Variants in CFAP44 observed in about 807,000 individuals in gnomAD.
CFAP44 encodes the protein cilia and flagella associated protein 44.
In CFAP44, 134 loss-of-function variants were observed where a neutral mutation model predicts 216.2. That is an observed-to-expected ratio of 0.62 (90% CI 0.54 to 0.72). The LOEUF (loss-of-function observed/expected upper bound fraction) is 0.72, where lower values mean the gene tolerates loss of function less well. CFAP44 is among the 30% of genes least tolerant of loss of function. The pLI, the probability that CFAP44 is intolerant of heterozygous loss-of-function variation, is 0.00. For missense variants in CFAP44, 2,035 were observed against 2,182.1 expected (o/e 0.93, Z 1.34); for synonymous variants, 700 against 727.6 (o/e 0.96, Z 0.61).
intron 22 of CFAP44, among the ~76,000 whole-genome samples, chr3:113,346,020 T>C (rs574346836): frequency 5.9e-5 from 9 of 152,196 alleles, no homozygotes; most frequent in Non-Finnish European, 1.3e-4. Context: ...AGATTAACAT[T>C]GAGAAGTGAA....
rs1950334278 is a variant in CFAP44, at chr3:113,341,657, A to G, written c.3437+87T>C. 40 of 1,254,012 alleles carry G rather than the reference A, an allele frequency of 3.2e-5. No homozygotes were observed. The South Asian group carries it at 8.7e-4, about 27-fold the overall frequency. 77.7% of individuals were successfully genotyped at this position (1,254,012 alleles called of 1,614,324 possible). ...TCACTTTTGATTTTAAATGATAACA[A>G]TGTCAATAAATATAAAGATTTTTAA... is the stretch of plus-strand genomic sequence containing the variant. On this transcript the variant is annotated intron_variant, in intron 24 of 34. Coordinates refer to ENST00000393845, the MANE Select transcript of CFAP44 (RefSeq NM_001164496.2).
rs4682484 is a variant in CFAP44, at chr3:113,304,023, T to C, written c.4970A>G (p.His1657Arg). 0.98 allele frequency: 1,508,713 copies of C among 1,537,370 alleles called. 740,774 individuals carry two copies. The highest frequency in any genetic ancestry group is 1 in the East Asian group (40,898 of 40,910). ...CTTGGAATTTTCCTCCTGGAGCTCA[T>C]GGATTCGTTCTTGCAGCCGTCTCAA... ...HALRRLQERI[H>R]ELQEENSKQQ... Residue 1657 changes from histidine to arginine, a missense_variant, in exon 32 of 35, where the codon CAT (histidine) becomes CGT (arginine). Physicochemically the swap from His to Arg is conservative, Grantham distance 29 (BLOSUM62 0). Transcript: ENST00000393845.
rs147904085 is a variant in CFAP44, at chr3:113,310,112, G to A, written c.4517-1844C>T. The stretch of plus-strand genomic sequence containing the variant: ...ACTCCCACTGGATGGTGTTAGAGAA[G>A]GGCAAGCAGGGAGCCAGTACATTTA... On this transcript the variant is annotated intron_variant, in intron 28 of 34. Coordinates refer to ENST00000393845, the MANE Select transcript of CFAP44 (RefSeq NM_001164496.2). Among the ~76,000 whole-genome samples, 291 of 152,260 alleles carry A rather than the reference G, an allele frequency of 1.9e-3. 2 individuals carry two copies. Among genetic ancestry groups the A allele is most frequent in the African/African-American group, 5.7e-3 (238 of 41,552 alleles).
At chr3:113,298,761 C>T (rs183865493) in intron 32 of CFAP44, among the ~76,000 whole-genome samples, 63 of 152,286 alleles carry the variant, frequency 4.1e-4, no homozygotes, top group Middle Eastern at 3.4e-3. Context: ...GTATTATTCT[C>T]CTCATTATGA....
At chr3:113,397,309 G>T (rs1559935154) in intron 13 of CFAP44, 1 of 152,946 alleles carries the variant, frequency 6.5e-6, no homozygotes, top group Non-Finnish European at 1.5e-5. Context: ...CAGAACTCAA[G>T]AAAAAGTTAT....
intron 24 of CFAP44, among the ~76,000 whole-genome samples, chr3:113,335,393 A>G (rs1025467703): frequency 6.6e-6 from 1 of 152,204 alleles, no homozygotes; most frequent in Non-Finnish European, 1.5e-5. Context: ...AGGGAGGCCA[A>G]ATTTGGTGCT....
rs115824144 is a variant in CFAP44 at position 113,348,944 on chromosome 3, G to T, written c.3066-4232C>A. On this transcript the variant is annotated intron_variant, in intron 22 of 34. Transcript: ENST00000393845. Reference sequence around the variant, plus strand: ...ATGCAGCTTTAGCTACAACCTGAGAGTTGGAGATACCTGGTATCTTAGTCA... The same window carrying T: ...ATGCAGCTTTAGCTACAACCTGAGATTTGGAGATACCTGGTATCTTAGTCA... 8.9e-3 allele frequency among the ~76,000 whole-genome samples: 1,357 copies of T among 152,276 alleles called. 18 individuals are homozygous for T. Among genetic ancestry groups the T allele is most frequent in the African/African-American group, 0.03 (1,266 of 41,556 alleles).
intron 28 of CFAP44, among the ~76,000 whole-genome samples, chr3:113,309,544 T>A (rs187282969): frequency 1.7e-3 from 265 of 152,320 alleles, no homozygotes; most frequent in Admixed American, 3.1e-3. Context: ...CAGAAATATT[T>A]CTGAACACAA....
At chr3:113,341,510 T>C (rs1331468963) in intron 24 of CFAP44, among the ~76,000 whole-genome samples, 1 of 152,180 alleles carries the variant, frequency 6.6e-6, no homozygotes, top group Non-Finnish European at 1.5e-5. Context: ...TACAGTATTA[T>C]TAGCAAAATG....
chr3:113,378,019 T>C (rs1213392886), intron 17 of CFAP44, among the ~76,000 whole-genome samples: 1 of 152,158 alleles, frequency 6.6e-6, no homozygotes, highest in Non-Finnish European at 1.5e-5. Flanking sequence ...AAGCACTAAA[T>C]ATGCGTGGAG....
intron 2 of CFAP44, among the ~76,000 whole-genome samples, chr3:113,430,888 A>T (rs1173526141): frequency 6.6e-6 from 1 of 152,206 alleles, no homozygotes; most frequent in East Asian, 1.9e-4. Flanking sequence ...GATAAGCATA[A>T]GAAATCAATG....
intron 17 of CFAP44, among the ~76,000 whole-genome samples, chr3:113,377,658 T>C (rs1429876078): frequency 1.3e-5 from 2 of 151,974 alleles, no homozygotes; most frequent in Admixed American, 6.6e-5. Flanking sequence ...AACAAAAACA[T>C]ATATATATTT....
rs1485529306 is a variant in CFAP44, at chr3:113,294,712, C to T, written c.5348G>A (p.Arg1783Gln). Residue 1783 changes from arginine (R) to glutamine (Q), a missense_variant, in exon 34 of 35, where the codon CGG (arginine) becomes CAG (glutamine). This residue lies in a region of CFAP44 where 1,883 missense variants were observed against 2,023.7 expected (regional missense o/e 0.93). Transcript: ENST00000393845. ...LCIEKKKLDS[R>Q]LNTLQNQQGN... ...CTGCTGATTCTGTAGTGTATTCAAC[C>T]GAGAATCAAGTTTCTTCTTTTCAAT... 1.2e-5 allele frequency: 19 copies of T among 1,534,964 alleles called. No homozygotes were observed. The highest frequency in any genetic ancestry group is 2.4e-5 in the East Asian group (1 of 40,852).
intron 17 of CFAP44, among the ~76,000 whole-genome samples, chr3:113,376,895 C>T (rs544802485): frequency 6.6e-6 from 1 of 152,182 alleles, no homozygotes; most frequent in East Asian, 1.9e-4. Context: ...ATACAGGAGA[C>T]CAAGTGGTTT....
At position 113,333,447 on chromosome 3, in the gene CFAP44, C is replaced by A; in HGVS notation, c.3574G>T (p.Ala1192Ser). 1 of 1,536,986 alleles carries A rather than the reference C, an allele frequency of 6.5e-7. No homozygotes were observed. The highest frequency in any genetic ancestry group is 8.7e-7 in the Non-Finnish European group (1 of 1,146,798). Residue 1192 changes from alanine (A) to serine (S), a missense_variant, in exon 25 of 35, where the codon GCT becomes TCT. By Grantham distance (99) the Ala-to-Ser change is moderately conservative (BLOSUM62 1). Around this residue, in one of 3 missense-constraint regions of CFAP44, gnomAD observed 1,883 missense variants for 2,023.7 expected, o/e 0.93. Coordinates refer to ENST00000393845, the MANE Select transcript of CFAP44 (RefSeq NM_001164496.2). Reference sequence around the variant, plus strand: ...CCTAGTTCCTCTTCCTTCTTGGCAGCATTTATTCTCATGTGCTCAGGTATC... The same window carrying A: ...CCTAGTTCCTCTTCCTTCTTGGCAGAATTTATTCTCATGTGCTCAGGTATC... Reference protein sequence around the residue: ...YKIPEHMRINAAKKEEELGHL... With the variant: ...YKIPEHMRINSAKKEEELGHL...
chr3:113,439,570 C>G (rs1935311447), intron 1 of CFAP44, among the ~76,000 whole-genome samples: 1 of 152,120 alleles, frequency 6.6e-6, no homozygotes, highest in Non-Finnish European at 1.5e-5. Context: ...TATAGTTTAC[C>G]ATGGCACGCA....
intron 2 of CFAP44, among the ~76,000 whole-genome samples, chr3:113,432,896 TC>T (rs1429496110): frequency 6.6e-6 from 1 of 152,220 alleles, no homozygotes; most frequent in Non-Finnish European, 1.5e-5. Context: ...TCTACATGCA[TC>T]TATCAGATAA....
chr3:113,373,690 A>G, intron 17 of CFAP44, 134 bp from the exon 18 acceptor site: 1 of 697,876 alleles, frequency 1.4e-6, no homozygotes, highest in Non-Finnish European at 2.1e-6. Context: ...CATAATTTCT[A>G]TGATTATAGA....
chr3:113,381,467 C>T (rs1429999467), intron 15 of CFAP44, among the ~76,000 whole-genome samples: 1 of 152,172 alleles, frequency 6.6e-6, no homozygotes, highest in Non-Finnish European at 1.5e-5. Flanking sequence ...TCAGTCCCAT[C>T]CTACTTTAAT....
Sources: gnomAD v4.1 joint callset for allele counts (sites outside exome capture counted in the v4.1 genomes callset) on GRCh38, gnomAD v4.1.1 for gene constraint, gnomAD v4.1.1 regional missense constraint, MANE v1.5 for transcripts, NCBI Gene and HGNC (gene_info 2026-07-23, HGNC 2026-07-21) for gene names.